GULP1: variants seen among roughly 807,000 people sequenced by gnomAD.
The protein encoded by GULP1 is PTB domain-containing engulfment adapter protein 1.
A neutral mutation model predicts 40.9 loss-of-function variants in GULP1; 19 were observed. The ratio of observed to expected loss-of-function variants is 0.46; its 90% CI spans 0.32 to 0.68. The LOEUF (loss-of-function observed/expected upper bound fraction) is 0.68. Among genes scored for constraint, GULP1 ranks in the 30% least tolerant of loss-of-function variants. The pLI is 0.03. For synonymous variants in GULP1, 119 were observed against 117.6 expected (o/e 1.01, Z -0.08); for missense variants, 312 against 362.2 (o/e 0.86, Z 1.12).
chr2:188,501,887 A>G (rs1213605617), intron 4 of GULP1, among the ~76,000 whole-genome samples: 3 of 151,892 alleles, frequency 2.0e-5, no homozygotes, highest in Non-Finnish European at 4.4e-5. Context: ...CTTCCAAAAC[A>G]TATCAGCCAG....
chr2:188,322,472 C>A (rs1334482350), intron 1 of GULP1, among the ~76,000 whole-genome samples: 2 of 152,048 alleles, frequency 1.3e-5, no homozygotes, highest in Non-Finnish European at 2.9e-5. Flanking sequence ...TAGATCTCCT[C>A]CAAATGGCAT....
chr2:188,340,615 G>A (rs2152141258), intron 1 of GULP1, among the ~76,000 whole-genome samples: 1 of 152,304 alleles, frequency 6.6e-6, no homozygotes, highest in South Asian at 2.1e-4. Context: ...AAATAGCTCA[G>A]TAGGCCCTCT....
intron 7 of GULP1, among the ~76,000 whole-genome samples, chr2:188,558,399 C>T (rs919426189): frequency 1.3e-5 from 2 of 152,120 alleles, no homozygotes; most frequent in African/African-American, 2.4e-5. Flanking sequence ...TGCTTTTCGC[C>T]TCCTGCCATG....
chr2:188,529,441 C>T (rs548822938), intron 6 of GULP1, among the ~76,000 whole-genome samples: 22 of 151,700 alleles, frequency 1.5e-4, no homozygotes, highest in African/African-American at 5.1e-4. Flanking sequence ...AGTGTTTGGA[C>T]GTGTATTTGG....
chr2:188,508,429 G>A (rs909867510), intron 4 of GULP1, among the ~76,000 whole-genome samples: 1 of 152,020 alleles, frequency 6.6e-6, no homozygotes, highest in Non-Finnish European at 1.5e-5. Context: ...TTTACAAAAG[G>A]GGAAGAGAGA....
At chr2:188,305,963 A>G (rs2037003419) in intron 1 of GULP1, among the ~76,000 whole-genome samples, 1 of 152,004 alleles carries the variant, frequency 6.6e-6, no homozygotes, top group Non-Finnish European at 1.5e-5. Flanking sequence ...TTTTTAGTAG[A>G]GACGGGGTTT....
chr2:188,425,224 C>G (rs2056018892), intron 2 of GULP1, among the ~76,000 whole-genome samples: 1 of 152,084 alleles, frequency 6.6e-6, no homozygotes, highest in South Asian at 2.1e-4. Context: ...CCTTCATTTG[C>G]TGACTCTCAA....
At chr2:188,472,706 C>T (rs1049703215) in intron 2 of GULP1, among the ~76,000 whole-genome samples, 1 of 152,026 alleles carries the variant, frequency 6.6e-6, no homozygotes, top group Non-Finnish European at 1.5e-5. Flanking sequence ...TCTTGAATTT[C>T]TTTGAGTTTC....
chr2:188,569,586 T>G, intron 8 of GULP1: 1 of 456,824 alleles, frequency 2.2e-6, no homozygotes, highest in Non-Finnish European at 3.9e-6. Flanking sequence ...CATGTGACTT[T>G]GCTTCACTTC....
At chr2:188,304,672 C>T (rs995094980) in intron 1 of GULP1, among the ~76,000 whole-genome samples, 4 of 152,150 alleles carry the variant, frequency 2.6e-5, no homozygotes, top group Admixed American at 1.3e-4. Context: ...GGCAGATGCT[C>T]GATTCCTTCT....
At chr2:188,320,621 C>G (rs1023070353) in intron 1 of GULP1, among the ~76,000 whole-genome samples, 2 of 151,904 alleles carry the variant, frequency 1.3e-5, no homozygotes, top group Non-Finnish European at 2.9e-5. Flanking sequence ...TTCTGAGAAG[C>G]ATGTTTTGTT....
In GULP1 at chr2:188,292,783, C is replaced by G. The variant is rs1050198440; in HGVS notation, c.-172+617C>G. The G allele has an allele frequency of 1.3e-5, 2 of 152,450 alleles. No homozygotes were observed. Among genetic ancestry groups the G allele is most frequent in the Non-Finnish European group, 2.9e-5 (2 of 68,386 alleles). The allele number at this position is 152,450 out of a possible 1,614,324, so 9.4% of individuals were successfully genotyped here. ...AGCTGGGAGGGCCCAAAGGAAGGGG[C>G]GGCGTCCACATGGTTACCCTTCTGC... is the stretch of plus-strand genomic sequence containing the variant. On this transcript the variant is annotated intron_variant, in intron 1 of 11. Transcript: ENST00000409830. The surrounding 1 kb of genome is among the most constrained non-coding windows in gnomAD (Gnocchi z 4.0).
chr2:188,393,789 T>G (rs2152563136), intron 2 of GULP1, among the ~76,000 whole-genome samples: 1 of 152,276 alleles, frequency 6.6e-6, no homozygotes, highest in South Asian at 2.1e-4. Flanking sequence ...TGAAATTTAG[T>G]TTTACTGGAT....
At chr2:188,385,950 C>A (rs2049677664) in intron 2 of GULP1, among the ~76,000 whole-genome samples, 1 of 152,182 alleles carries the variant, frequency 6.6e-6, no homozygotes, top group African/African-American at 2.4e-5. Flanking sequence ...CCACATTCTC[C>A]TGTGTTCTTC....
chr2:188,316,825 T>C (rs989618439), intron 1 of GULP1, among the ~76,000 whole-genome samples: 1 of 152,154 alleles, frequency 6.6e-6, no homozygotes, highest in African/African-American at 2.4e-5. Flanking sequence ...GTGCATTTGT[T>C]TATATTCCTA....
intron 1 of GULP1, among the ~76,000 whole-genome samples, chr2:188,312,202 A>T (rs1046380116): frequency 1.3e-4 from 20 of 152,078 alleles, no homozygotes; most frequent in Non-Finnish European, 2.4e-4. Flanking sequence ...TCTCCTAAAA[A>T]AAAACCCAGA....
At chr2:188,479,239 A>T (rs1284861151) in intron 3 of GULP1, among the ~76,000 whole-genome samples, 5 of 152,074 alleles carry the variant, frequency 3.3e-5, no homozygotes, top group Admixed American at 1.3e-4. Flanking sequence ...AATTTAGATA[A>T]TGTGACCTTT....
At chr2:188,592,638 A>C (rs567276939) in intron 11 of GULP1, 2 of 152,220 alleles carry the variant, frequency 1.3e-5, no homozygotes, top group South Asian at 2.1e-4. Flanking sequence ...TGTGCTGTAA[A>C]CATAAAGAAT....
At chr2:188,547,846 A>T (rs1692374148) in intron 7 of GULP1, among the ~76,000 whole-genome samples, 1 of 152,108 alleles carries the variant, frequency 6.6e-6, no homozygotes, top group African/African-American at 2.4e-5. Flanking sequence ...AAATCCAATG[A>T]TATAATCAAC....
Sources: allele counts gnomAD v4.1 joint callset (sites outside exome capture counted in the v4.1 genomes callset), GRCh38; gene constraint gnomAD v4.1.1; non-coding constraint Gnocchi (gnomAD v3.1); transcripts MANE v1.5; gene names NCBI Gene and HGNC (gene_info 2026-07-23, HGNC 2026-07-21).